Variants in TXNDC11 observed in about 807,000 individuals in gnomAD.
The protein encoded by TXNDC11 is thioredoxin domain-containing protein 11.
In TXNDC11, 68 loss-of-function variants were observed where a neutral mutation model predicts 78.0. The ratio of observed to expected loss-of-function variants is 0.87; its 90% CI spans 0.72 to 1.07. TXNDC11 has a LOEUF of 1.07. Ranked by LOEUF, TXNDC11 falls within the 50% of genes least tolerant of loss-of-function variation. The pLI is 0.00. For missense variants in TXNDC11, 1,389 were observed against 1,221.8 expected, an observed-to-expected ratio of 1.14 and a Z score of -2.04; for synonymous variants, 571 against 495.2, an observed-to-expected ratio of 1.15 and a Z score of -2.03.
Position 11,691,891 on chromosome 16 carries a change from G to C in TXNDC11, c.1299C>G (p.His433Gln), listed in dbSNP as rs113940175. ...CCNTVVLPQWHSFSRTHNVCE... is the reference protein window; with the variant it reads ...CCNTVVLPQWQSFSRTHNVCE... ...AGACGTTGTGGGTCCTGGAGAAGGA[G>C]TGCCACTGGGGCAGCACCACAGTGT... Residue 433 changes from histidine (H) to glutamine (Q), a missense_variant, in exon 8 of 12, where the codon CAC becomes CAG. Transcript: ENST00000283033. 0.014 allele frequency: 22,752 copies of C among 1,614,228 alleles called. 229 individuals carry two copies. Among genetic ancestry groups the C allele is most frequent in the Non-Finnish European group, 0.018 (21,007 of 1,180,002 alleles).
rs1287871544 is a variant in TXNDC11, at chr16:11,736,021, T to A, written c.467A>T (p.Asp156Val). ...TAAGCTGAATGTGAGCATTACCTGA[T>A]CTGAAAGCCGACTTGCTGCTTGCTC... is the stretch of plus-strand genomic sequence containing the variant. ...EIEQAASRLSDQVLFVAINCW... is the reference protein window; with the variant it reads ...EIEQAASRLSVQVLFVAINCW... The change falls in exon 2 of 12, where the codon GAT becomes GTT. Residue 156 changes from aspartate (D) to valine (V), a missense_variant. By Grantham distance (152) the Asp-to-Val change is radical (BLOSUM62 -3). Transcript: ENST00000283033. 10 of 1,613,702 alleles carry A rather than the reference T, an allele frequency of 6.2e-6. No homozygotes were observed. Among genetic ancestry groups the A allele is most frequent in the Non-Finnish European group, 8.5e-6 (10 of 1,179,976 alleles).
chr16:11,686,481 G>A (rs2050570423), intron 10 of TXNDC11, among the ~76,000 whole-genome samples: 1 of 152,052 alleles, frequency 6.6e-6, no homozygotes, highest in Admixed American at 6.6e-5. Flanking sequence ...AAATTAACTG[G>A]GTCAAAAATG....
At chr16:11,711,553 TCTG>T (rs1201466793) in intron 5 of TXNDC11, among the ~76,000 whole-genome samples, 1 of 152,182 alleles carries the variant, frequency 6.6e-6, no homozygotes, top group Non-Finnish European at 1.5e-5. Flanking sequence ...CACATTACAC[TCTG>T]CTATTTTGCC....
At chr16:11,734,607 C>T (rs1597497337) in intron 2 of TXNDC11, among the ~76,000 whole-genome samples, 1 of 152,178 alleles carries the variant, frequency 6.6e-6, no homozygotes, top group East Asian at 1.9e-4. Context: ...TATTATTATA[C>T]TAATGCCATC....
At chr16:11,736,326 T>G in intron 1 of TXNDC11, 93 bp from the exon 2 acceptor site, 5 of 1,058,138 alleles carry the variant, frequency 4.7e-6, no homozygotes, top group Non-Finnish European at 6.9e-6. Flanking sequence ...AGGAAAATCC[T>G]CTTTTGAATA....
At chr16:11,731,041 C>T (rs2052029941) in intron 3 of TXNDC11, among the ~76,000 whole-genome samples, 1 of 152,060 alleles carries the variant, frequency 6.6e-6, no homozygotes, top group Non-Finnish European at 1.5e-5. Context: ...AAACAAGGAA[C>T]ATTTACTCTT....
intron 4 of TXNDC11, among the ~76,000 whole-genome samples, chr16:11,722,732 C>T (rs1210610268): frequency 6.6e-6 from 1 of 152,144 alleles, no homozygotes; most frequent in African/African-American, 2.4e-5. Flanking sequence ...AAGCACTTGG[C>T]ACTACACTCT....
intron 5 of TXNDC11, among the ~76,000 whole-genome samples, chr16:11,711,622 C>T (rs976174977): frequency 5.9e-5 from 9 of 152,246 alleles, no homozygotes. Context: ...CCCAGTAACA[C>T]AGGATAACCT....
At chr16:11,696,582 G>C (rs1003836442) in intron 7 of TXNDC11, among the ~76,000 whole-genome samples, 2 of 152,194 alleles carry the variant, frequency 1.3e-5, no homozygotes, top group African/African-American at 4.8e-5. Context: ...CACTTTGCTT[G>C]TCTGAGTAAT....
intron 6 of TXNDC11, among the ~76,000 whole-genome samples, chr16:11,698,942 G>C (rs2050934290): frequency 6.6e-6 from 1 of 152,318 alleles, no homozygotes; most frequent in South Asian, 2.1e-4. Flanking sequence ...AAATGAAAGA[G>C]ACACCTAGAT....
intron 10 of TXNDC11, among the ~76,000 whole-genome samples, chr16:11,685,320 C>A (rs1042484176): frequency 1.3e-5 from 2 of 152,066 alleles, no homozygotes; most frequent in African/African-American, 4.8e-5. Context: ...CACTGCATTC[C>A]AGCCTGGGCA....
At chr16:11,709,832 C>T (rs1015149656) in intron 5 of TXNDC11, among the ~76,000 whole-genome samples, 6 of 152,248 alleles carry the variant, frequency 3.9e-5, no homozygotes, top group South Asian at 2.1e-4. Context: ...GTACTAAATA[C>T]GCATTGTTAC....
At chr16:11,695,195 G>A (rs1408730623) in intron 7 of TXNDC11, among the ~76,000 whole-genome samples, 1 of 152,198 alleles carries the variant, frequency 6.6e-6, no homozygotes, top group East Asian at 1.9e-4. Context: ...TCACGCCAGT[G>A]TCAGGATCTG....
At position 11,691,620 on chromosome 16, in the gene TXNDC11, G is replaced by A. The variant is rs1416400256; in HGVS notation, c.1570C>T (p.Gln524Ter). The change falls in exon 8 of 12, where the codon CAA (glutamine) becomes TAA (stop). Residue 524 changes from glutamine to a stop codon, truncating the protein, a stop_gained. Transcript: ENST00000283033. LOFTEE classifies it high-confidence loss of function. ...RGVSGFIDSE[Q>*]GVFEAPTVAF... Reference sequence around the variant, plus strand: ...ACAGTAGGGGCTTCAAAGACACCTTGTTCAGAGTCGATGAAGCCTGACACA... The same window carrying A: ...ACAGTAGGGGCTTCAAAGACACCTTATTCAGAGTCGATGAAGCCTGACACA... The A allele has an allele frequency of 3.7e-6, 6 of 1,614,202 alleles. No homozygotes were observed. Among genetic ancestry groups the A allele is most frequent in the African/African-American group, 1.3e-5 (1 of 75,056 alleles).
intron 5 of TXNDC11, among the ~76,000 whole-genome samples, chr16:11,702,092 G>GTATATATATATATATATATATATATA (rs35673646): frequency 1.4e-4 from 20 of 144,360 alleles, no homozygotes; most frequent in African/African-American, 5.1e-4. Context: ...GTATGTATGT[G>GTATATATATATATATATATATATATA]TATATATATA....
chr16:11,726,194 T>C (rs2141100819), intron 4 of TXNDC11, among the ~76,000 whole-genome samples: 1 of 149,848 alleles, frequency 6.7e-6, no homozygotes, highest in Middle Eastern at 3.4e-3. Context: ...AGTCATAGTT[T>C]ACAAACATAA....
Position 11,691,565 on chromosome 16 carries a change from TCA to T in TXNDC11, c.1623_1624del (p.Cys541Ter). On this transcript the variant is annotated stop_gained and frameshift_variant, in exon 8 of 12. Coordinates refer to ENST00000283033, the MANE Select transcript of TXNDC11 (RefSeq NM_015914.7). LOFTEE classifies it high-confidence loss of function. ...AGGAACGGAGCTTGGGGCATCAACC[TCA>T]CATTTCTTCTCAAGGGAAGAAAATG... is the stretch of plus-strand genomic sequence containing the variant. 6.2e-7 allele frequency: 1 copy of T among 1,614,174 alleles called. No individual in the cohort carries two copies. The highest frequency in any genetic ancestry group is 8.5e-7 in the Non-Finnish European group (1 of 1,180,032).
At chr16:11,733,133 T>C (rs956149072) in intron 3 of TXNDC11, among the ~76,000 whole-genome samples, 2 of 152,088 alleles carry the variant, frequency 1.3e-5, no homozygotes, top group African/African-American at 4.8e-5. Flanking sequence ...GGCAGGCACC[T>C]GTAATCCCAG....
In TXNDC11 at chr16:11,736,212, T is replaced by C. The variant is rs1597500618; in HGVS notation, c.276A>G (p.Ile92Met). The change falls in exon 2 of 12, where the codon ATA becomes ATG. Residue 92 changes from isoleucine to methionine, a missense_variant. Ile to Met is a conservative substitution (Grantham distance 10). Transcript: ENST00000283033. ...FTCSRAKDVI[I>M]PAKPPVSFFS... ...AAAAGCTGACAGGTGGCTTTGCTGG[T>C]ATTATCACATCTTTTGCTCGACTAA... is the stretch of plus-strand genomic sequence containing the variant. 2 of 1,611,896 alleles carry C rather than the reference T, an allele frequency of 1.2e-6. No homozygotes were observed. The highest frequency in any genetic ancestry group is 1.7e-6 in the Non-Finnish European group (2 of 1,178,836).
Sources: gnomAD v4.1 joint callset for allele counts (sites outside exome capture counted in the v4.1 genomes callset) on GRCh38, gnomAD v4.1.1 for gene constraint, MANE v1.5 for transcripts, NCBI Gene and HGNC (gene_info 2026-07-23, HGNC 2026-07-21) for gene names.